Variants in HSPG2 observed in about 807,000 individuals in gnomAD.
The protein encoded by HSPG2 is heparan sulfate proteoglycan 2.
Under a neutral mutation model 526.6 loss-of-function variants are expected in HSPG2, and 278 were observed. The observed-to-expected ratio is 0.53, with a 90% CI of 0.48 to 0.58. The LOEUF (loss-of-function observed/expected upper bound fraction) is 0.58. HSPG2 is among the 20% of genes least tolerant of loss of function. The pLI, the probability that HSPG2 is intolerant of heterozygous loss-of-function variation, is 0.00. For missense variants in HSPG2, 5,354 were observed against 6,099.5 expected, an observed-to-expected ratio of 0.88 and a Z score of 4.07; for synonymous variants, 2,465 against 2,555.4, an observed-to-expected ratio of 0.96 and a Z score of 1.07.
In HSPG2 at chr1:21,832,623, G is replaced by A. The variant is rs1451280025; in HGVS notation, c.11096-17C>T. 1.2e-6 allele frequency: 2 copies of A among 1,600,644 alleles called. No individual in the cohort carries two copies. Among genetic ancestry groups the A allele is most frequent in the Admixed American group, 3.3e-5 (2 of 59,988 alleles). ...GCAGCATCCCTGGGTGGGCACCACT[G>A]TGTAAGGGGCCCCCTTCCAGCCACA... On this transcript the variant is annotated splice_polypyrimidine_tract_variant and intron_variant, in intron 80 of 96. Transcript: ENST00000374695.
intron 9 of HSPG2, 102 bp from the exon 10 acceptor site, chr1:21,885,553 C>T (rs1641831075): frequency 3.0e-6 from 4 of 1,327,392 alleles, no homozygotes; most frequent in Non-Finnish European, 4.2e-6. Context: ...CCACAGCGGC[C>T]CTCGCCATGC....
Position 21,822,435 on chromosome 1 carries a change from TGA to T in HSPG2, c.*879_*880del. Reference sequence around the variant, plus strand: ...ATCCCCCTCCTCTCTCTCTCAGTCGTGAGTCCTGCCTTCCCCCACCTAAGGCA... The same window carrying T: ...ATCCCCCTCCTCTCTCTCTCAGTCGTGTCCTGCCTTCCCCCACCTAAGGCA... On this transcript the variant is annotated 3_prime_UTR_variant, in exon 97 of 97. Coordinates refer to ENST00000374695, the MANE Select transcript of HSPG2 (RefSeq NM_005529.7). 1 of 583,714 alleles carries T rather than the reference TGA, an allele frequency of 1.7e-6. No individual in the cohort carries two copies. Among genetic ancestry groups the T allele is most frequent in the East Asian group, 2.9e-5 (1 of 34,904 alleles). 36.2% of individuals were successfully genotyped at this position (583,714 alleles called of 1,614,324 possible).
In HSPG2 at chr1:21,865,930, C is replaced by G; in HGVS notation, c.4222-121G>C. 1.4e-6 allele frequency: 1 copy of G among 740,552 alleles called. No individual in the cohort carries two copies. Among genetic ancestry groups the G allele is most frequent in the African/African-American group, 1.8e-5 (1 of 56,628 alleles). 45.9% of individuals were successfully genotyped at this position (740,552 alleles called of 1,614,324 possible). ...ACCTGTGCCACACTCCCCCACCCCC[C>G]TCCCTGCCCAAACCAAGAGGCCAGG... On this transcript the variant is annotated intron_variant, in intron 33 of 96. Coordinates refer to ENST00000374695, the MANE Select transcript of HSPG2 (RefSeq NM_005529.7). The surrounding 1 kb of genome is among the most constrained non-coding windows in gnomAD (Gnocchi z 5.4).
In HSPG2 at chr1:21,855,510, C is replaced by T; in HGVS notation, c.5854+13G>A. On this transcript the variant is annotated intron_variant, in intron 46 of 96. Transcript: ENST00000374695. ...GCACACTCCCGGCCCCCACCCTGAGCCCGGCCTCTCACCATGCACGTGGAG... is the reference window on the plus strand; with the variant it reads ...GCACACTCCCGGCCCCCACCCTGAGTCCGGCCTCTCACCATGCACGTGGAG... The T allele has an allele frequency of 6.2e-7, 1 of 1,610,530 alleles. No individual in the cohort carries two copies. Among genetic ancestry groups the T allele is most frequent in the Non-Finnish European group, 8.5e-7 (1 of 1,179,180 alleles).
chr1:21,861,246 G>A (rs1166548878), intron 39 of HSPG2, among the ~76,000 whole-genome samples: 9 of 152,176 alleles, frequency 5.9e-5, no homozygotes, highest in Non-Finnish European at 2.9e-5. Flanking sequence ...AAAATTTGCT[G>A]AATGAGTGAA....
chr1:21,928,754 A>AT (rs34997831), intron 1 of HSPG2, among the ~76,000 whole-genome samples: 33,233 of 136,358 alleles, frequency 0.24, 4,166 homozygotes, highest in East Asian at 0.44. Flanking sequence ...TATTCACTTG[A>AT]TTTTTTTTTT....
At chr1:21,919,941 C>A (rs932666356) in intron 1 of HSPG2, among the ~76,000 whole-genome samples, 2 of 152,222 alleles carry the variant, frequency 1.3e-5, no homozygotes, top group African/African-American at 4.8e-5. Context: ...GAGTCTCGCT[C>A]TGTTGCCCAG....
At chr1:21,937,044 C>G in intron 1 of HSPG2, 111 bp downstream of exon 1, 1 of 321,534 alleles carries the variant, frequency 3.1e-6, no homozygotes, top group Non-Finnish European at 4.6e-6. Flanking sequence ...CCAGAGTCCC[C>G]GCCGCGCAGC....
chr1:21,823,407 T>C lies in HSPG2; in HGVS notation c.13085A>G (p.His4362Arg). The change falls in exon 97 of 97, where the codon CAC becomes CGC. Residue 4362 changes from histidine (H) to arginine (R), a missense_variant. Coordinates refer to ENST00000374695, the MANE Select transcript of HSPG2 (RefSeq NM_005529.7). ...ITGCVKNLVL[H>R]SARPGAPPPQ... is the part of the protein sequence containing the mutation. ...GGGCGGGGCGCCGGGTCGGGCCGAGTGCAGCACCAGGTTCTTGACACAGCC... is the reference window on the plus strand; with the variant it reads ...GGGCGGGGCGCCGGGTCGGGCCGAGCGCAGCACCAGGTTCTTGACACAGCC... 6.3e-7 allele frequency: 1 copy of C among 1,577,256 alleles called. No individual in the cohort carries two copies. Among genetic ancestry groups the C allele is most frequent in the Non-Finnish European group, 8.6e-7 (1 of 1,166,528 alleles).
In HSPG2 at chr1:21,884,992, C is replaced by G. The variant is rs750443563; in HGVS notation, c.1355+21G>C. On this transcript the variant is annotated intron_variant, in intron 11 of 96. Transcript: ENST00000374695. ...CAGCTGCCCCTCATTCCCACCCCAC[C>G]ACCTGGGCCCAGAGCCGCACCTGGG... 5.0e-6 allele frequency: 8 copies of G among 1,613,784 alleles called. No homozygotes were observed. In the South Asian group the frequency reaches 7.7e-5, roughly 16 times the overall value.
At chr1:21,916,444 G>A (rs1031922728) in intron 1 of HSPG2, among the ~76,000 whole-genome samples, 9 of 152,124 alleles carry the variant, frequency 5.9e-5, no homozygotes, top group African/African-American at 1.2e-4. Flanking sequence ...GGCAAAGCTC[G>A]CGGTGAACCG....
At chr1:21,879,801 CG>C (rs1348556154) in intron 17 of HSPG2, among the ~76,000 whole-genome samples, 1 of 152,154 alleles carries the variant, frequency 6.6e-6, no homozygotes, top group Non-Finnish European at 1.5e-5. Flanking sequence ...TACAGGCGTA[CG>C]CCACCACGCC....
chr1:21,883,425 C>G (rs1171093957), intron 13 of HSPG2, among the ~76,000 whole-genome samples: 4 of 152,214 alleles, frequency 2.6e-5, no homozygotes, highest in Non-Finnish European at 5.9e-5. Context: ...TCAACAGATC[C>G]TCCTGCCTCA....
At position 21,824,812 on chromosome 1, in the gene HSPG2, C is replaced by T. The variant is rs2097964865; in HGVS notation, c.12590-33G>A. On this transcript the variant is annotated intron_variant, in intron 91 of 96. Transcript: ENST00000374695. This position sits in a 1 kb window ranked among gnomAD's most constrained non-coding sequence, Gnocchi z 5.9. ...AGAGAGGAGGGTGGTGCCATACCTG[C>T]TGCATCAGGCATCAAAATCCCCCGT... The T allele has an allele frequency of 6.3e-7, 1 of 1,576,286 alleles. No homozygotes were observed.
At chr1:21,857,924 C>T (rs946210921) in intron 42 of HSPG2, among the ~76,000 whole-genome samples, 1 of 152,210 alleles carries the variant, frequency 6.6e-6, no homozygotes, top group Non-Finnish European at 1.5e-5. Context: ...CATCCCACTG[C>T]TGCGCCTGAG....
chr1:21,875,895 G>GGCCGGGGCTGGGCTC lies in HSPG2; in HGVS notation c.3136_3150dup (p.Glu1046_Gly1050dup), dbSNP rs772289095. 3 of 1,614,032 alleles carry GGCCGGGGCTGGGCTC rather than the reference G, an allele frequency of 1.9e-6. No individual in the cohort carries two copies. The African/African-American group carries it at 4.0e-5, about 22-fold the overall frequency. ...AAAGGCACAATGAAGGTGCTGGGCT[G>GGCCGGGGCTGGGCTC]GCCGGGGCTGGGCTCCTGGGCCACA... On this transcript the variant is annotated inframe_insertion, in exon 24 of 97. Transcript: ENST00000374695.
intron 1 of HSPG2, among the ~76,000 whole-genome samples, chr1:21,922,673 G>T (rs971082233): frequency 6.6e-6 from 1 of 152,134 alleles, no homozygotes; most frequent in Non-Finnish European, 1.5e-5. Context: ...TGAAGCCAAC[G>T]TAAGGTGGAG....
chr1:21,900,098 G>A (rs1021206149), intron 1 of HSPG2, among the ~76,000 whole-genome samples: 5 of 152,244 alleles, frequency 3.3e-5, no homozygotes, highest in Non-Finnish European at 5.9e-5. Context: ...CCGGCGGTGA[G>A]GGAGCCCGGC....
chr1:21,859,973 GGACCTC>G lies in HSPG2; in HGVS notation c.5038_5043del (p.Glu1680_Val1681del), dbSNP rs1232412885. The stretch of plus-strand genomic sequence containing the variant: ...TGGGGCACTATGCTTCGAGCAGGAT[GGACCTC>G]GACCACCAGTGGGGCTTGGTTTGCT... On this transcript the variant is annotated inframe_deletion, in exon 41 of 97. Transcript: ENST00000374695. The surrounding 1 kb of genome is among the most constrained non-coding windows in gnomAD (Gnocchi z 5.3). 2.5e-6 allele frequency: 4 copies of G among 1,610,798 alleles called. No individual in the cohort carries two copies. Among genetic ancestry groups the G allele is most frequent in the Non-Finnish European group, 3.4e-6 (4 of 1,179,358 alleles).
Sources: gnomAD v4.1 joint callset for allele counts (sites outside exome capture counted in the v4.1 genomes callset) on GRCh38, gnomAD v4.1.1 for gene constraint, Gnocchi (gnomAD v3.1) non-coding constraint, MANE v1.5 for transcripts, NCBI Gene and HGNC (gene_info 2026-07-23, HGNC 2026-07-21) for gene names.